Variants in SEMA3D observed in about 807,000 individuals in gnomAD.
SEMA3D encodes semaphorin-3D.
A neutral mutation model predicts 100.1 loss-of-function variants in SEMA3D; 84 were observed. The observed-to-expected ratio is 0.84, with a 90% CI of 0.70 to 1.01. The LOEUF (loss-of-function observed/expected upper bound fraction) is 1.01, where lower values mean the gene tolerates loss of function less well. SEMA3D is among the 50% of genes least tolerant of loss of function. SEMA3D has a pLI of 0.00. For synonymous variants in SEMA3D, 312 were observed against 320.7 expected (o/e 0.97, Z 0.29); for missense variants, 875 against 934.1 (o/e 0.94, Z 0.82).
At chr7:85,192,320 G>C in the SEMA3D span, among the ~76,000 whole-genome samples, 108 of 151,968 alleles carry the variant, frequency 7.1e-4, no homozygotes, top group African/African-American at 2.5e-3. Flanking sequence ...AAACAAGCCA[G>C]GTGGCTAAAT....
intron 17 of SEMA3D, among the ~76,000 whole-genome samples, chr7:85,011,834 A>C (rs945138617): frequency 1.3e-5 from 2 of 151,780 alleles, no homozygotes; most frequent in Non-Finnish European, 2.9e-5. Context: ...AAATCAAGCA[A>C]ACACTACCAG....
intron 13 of SEMA3D, among the ~76,000 whole-genome samples, chr7:85,021,510 C>G (rs1430193448): frequency 6.6e-6 from 1 of 151,760 alleles, no homozygotes; most frequent in African/African-American, 2.4e-5. Context: ...GACAAAGGTC[C>G]TCTGATTCCG....
chr7:85,029,116 T>C (rs971438802), intron 12 of SEMA3D: 2 of 603,672 alleles, frequency 3.3e-6, no homozygotes, highest in Non-Finnish European at 6.3e-6. Context: ...CTTCACTACC[T>C]ACTCTGACAA....
chr7:85,221,458 T>C, the SEMA3D span, among the ~76,000 whole-genome samples: 1 of 152,088 alleles, frequency 6.6e-6, no homozygotes, highest in African/African-American at 2.4e-5. Flanking sequence ...ATATATTCTT[T>C]TCTGGTGTCA....
Position 84,997,895 on chromosome 7 carries a change from A to C in SEMA3D, c.*1545T>G, listed in dbSNP as rs1249057434. On this transcript the variant is annotated 3_prime_UTR_variant, in exon 19 of 19. Transcript: ENST00000284136. ...AGAAGGAAAGGTGAGTTCTGCTTAA[A>C]CAGACAGGAAACACACCATGCATAT... 2 of 152,224 alleles carry C rather than the reference A, an allele frequency of 1.3e-5. No homozygotes were observed. The highest frequency in any genetic ancestry group is 4.8e-5 in the African/African-American group (2 of 41,450). 9.4% of individuals were successfully genotyped at this position (152,224 alleles called of 1,614,324 possible). A position where few individuals can be genotyped will look rare whatever the true frequency, so the allele number is the denominator to read the frequency against.
chr7:85,160,521 A>G (rs2116515852), intron 1 of SEMA3D, among the ~76,000 whole-genome samples: 1 of 152,264 alleles, frequency 6.6e-6, no homozygotes, highest in South Asian at 2.1e-4. Flanking sequence ...AATGGGGGCG[A>G]TGCGGTTTGC....
chr7:85,076,010 A>G (rs1408660934), intron 5 of SEMA3D, among the ~76,000 whole-genome samples: 1 of 152,222 alleles, frequency 6.6e-6, no homozygotes, highest in Non-Finnish European at 1.5e-5. Context: ...CTGCAAGGCT[A>G]TCAGTGGTAG....
Position 85,042,154 on chromosome 7 carries a change from G to A in SEMA3D, c.976+17C>T. 2 of 1,538,728 alleles carry A rather than the reference G, an allele frequency of 1.3e-6. No individual in the cohort carries two copies. The highest frequency in any genetic ancestry group is 2.2e-5 in the South Asian group (2 of 89,008). On this transcript the variant is annotated intron_variant, in intron 10 of 18. Coordinates refer to ENST00000284136, the MANE Select transcript of SEMA3D (RefSeq NM_001384900.1). ...GCAGTAAGGCCTTTCCAAGAAAGAA[G>A]GAAAGAAGGAACTTACGAAGCTCAT...
At chr7:85,128,399 G>A (rs1317270331) in intron 2 of SEMA3D, among the ~76,000 whole-genome samples, 1 of 152,008 alleles carries the variant, frequency 6.6e-6, no homozygotes, top group Non-Finnish European at 1.5e-5. Context: ...TCAAGTTCCT[G>A]ACCTCGTGAT....
chr7:85,197,288 T>C, the SEMA3D span, among the ~76,000 whole-genome samples: 3 of 152,244 alleles, frequency 2.0e-5, no homozygotes, highest in East Asian at 3.9e-4. Flanking sequence ...TAGGAAACAG[T>C]TGGCATCTAT....
intron 16 of SEMA3D, 83 bp downstream of exon 16, chr7:85,014,976 C>A (rs1254308014): frequency 4.0e-6 from 4 of 1,009,786 alleles, no homozygotes; most frequent in Non-Finnish European, 5.8e-6. Context: ...TTCTCTTTAA[C>A]TTAAACTATA....
chr7:85,073,120 C>T lies in SEMA3D; in HGVS notation c.376-39G>A, dbSNP rs756719988. 8.8e-6 allele frequency: 14 copies of T among 1,595,986 alleles called. No homozygotes were observed. The Admixed American group carries it at 2.5e-4, about 28-fold the overall frequency. ...AAATTAAAAGCATTAACACACAATT[C>T]AGGTTTTTGAAATATTATCATTTAT... On this transcript the variant is annotated intron_variant, in intron 5 of 18. Coordinates refer to ENST00000284136, the MANE Select transcript of SEMA3D (RefSeq NM_001384900.1).
At chr7:85,058,434 T>A (rs1226417667) in intron 8 of SEMA3D, among the ~76,000 whole-genome samples, 2 of 152,040 alleles carry the variant, frequency 1.3e-5, no homozygotes, top group Non-Finnish European at 2.9e-5. Context: ...ACACTTCAGA[T>A]TTTTTATTTA....
chr7:85,014,724 T>C (rs1054400627), intron 16 of SEMA3D, among the ~76,000 whole-genome samples: 1 of 151,344 alleles, frequency 6.6e-6, no homozygotes, highest in Non-Finnish European at 1.5e-5. Context: ...TATTTAGAAA[T>C]AAGAAATAAG....
At chr7:85,085,766 T>C (rs1788196500) in intron 4 of SEMA3D, among the ~76,000 whole-genome samples, 2 of 152,176 alleles carry the variant, frequency 1.3e-5, no homozygotes, top group Non-Finnish European at 2.9e-5. Context: ...AATAGTTTGG[T>C]TTAGCTAGAT....
chr7:85,189,933 A>G (rs984473202), upstream of SEMA3D, among the ~76,000 whole-genome samples: 2 of 152,180 alleles, frequency 1.3e-5, no homozygotes, highest in African/African-American at 4.8e-5. Context: ...GTAGAATTTC[A>G]GTAATCATCC....
At chr7:85,097,227 T>C (rs754941607) in intron 4 of SEMA3D, among the ~76,000 whole-genome samples, 1 of 151,900 alleles carries the variant, frequency 6.6e-6, no homozygotes, top group Non-Finnish European at 1.5e-5. Context: ...AGTACTAGTG[T>C]ATGTTTCTTT....
intron 3 of SEMA3D, among the ~76,000 whole-genome samples, chr7:85,099,489 T>C (rs1788678679): frequency 6.6e-6 from 1 of 151,952 alleles, no homozygotes; most frequent in African/African-American, 2.4e-5. Context: ...CAGGTATGTC[T>C]TTATCAGCAG....
chr7:85,053,132 C>A (rs192344907), intron 9 of SEMA3D, among the ~76,000 whole-genome samples: 1 of 152,022 alleles, frequency 6.6e-6, no homozygotes, highest in Admixed American at 6.6e-5. Flanking sequence ...ACAGCAAGAA[C>A]AACAAAACCT....
Sources: allele counts gnomAD v4.1 joint callset (sites outside exome capture counted in the v4.1 genomes callset), GRCh38; gene constraint gnomAD v4.1.1; transcripts MANE v1.5; gene names NCBI Gene and HGNC (gene_info 2026-07-23, HGNC 2026-07-21).